Variants in DAO observed in about 807,000 individuals in gnomAD.
The protein encoded by DAO is D-amino acid oxidase.
In DAO, 51 loss-of-function variants were observed where a neutral mutation model predicts 50.1. That is an observed-to-expected ratio of 1.02 (90% confidence interval 0.81 to 1.29). DAO has a LOEUF of 1.29. Ranked by LOEUF, DAO falls within the 50% of genes most tolerant of loss-of-function variation. The pLI, the probability that DAO is intolerant of heterozygous loss-of-function variation, is 0.00. For missense variants in DAO, 436 were observed against 439.4 expected (o/e 0.99, Z 0.07); for synonymous variants, 160 against 166.2 (o/e 0.96, Z 0.29).
chr12:108,895,918 C>T (rs866580901), intron 7 of DAO, among the ~76,000 whole-genome samples: 2 of 151,632 alleles, frequency 1.3e-5, no homozygotes, highest in Non-Finnish European at 2.9e-5. Flanking sequence ...CTCAAATCAT[C>T]GAGGTTTATG....
intron 10 of DAO, 171 bp from the exon 11 acceptor site, chr12:108,900,233 G>T: frequency 1.4e-6 from 1 of 719,110 alleles, no homozygotes; most frequent in East Asian, 2.7e-5. Context: ...TCTTGCAACT[G>T]TTCCAGGGGG....
chr12:108,884,355 G>GT (rs1331493060), intron 1 of DAO, among the ~76,000 whole-genome samples: 2 of 152,222 alleles, frequency 1.3e-5, no homozygotes, highest in African/African-American at 4.8e-5. Flanking sequence ...TTCCTCCTCT[G>GT]TAAGACGGGA....
chr12:108,882,635 C>A (rs2039393282), intron 1 of DAO, among the ~76,000 whole-genome samples: 1 of 152,048 alleles, frequency 6.6e-6, no homozygotes, highest in South Asian at 2.1e-4. Flanking sequence ...CTGGGAGGAC[C>A]CTCAGCCCTG....
intron 7 of DAO, among the ~76,000 whole-genome samples, chr12:108,895,530 ATG>A (rs1168892670): frequency 8.4e-6 from 1 of 118,656 alleles, no homozygotes; most frequent in Non-Finnish European, 1.6e-5. Flanking sequence ...CATGCACACC[ATG>A]TGAGGGTATG....
At chr12:108,891,391 A>G (rs59880705) in intron 5 of DAO, among the ~76,000 whole-genome samples, 1 of 151,004 alleles carries the variant, frequency 6.6e-6, no homozygotes, top group Non-Finnish European at 1.5e-5. Flanking sequence ...GAGAGGCTGC[A>G]GTGAGCTGTG....
chr12:108,893,527 TGCTTGGCACAA>T (rs926719008), intron 6 of DAO, among the ~76,000 whole-genome samples: 3 of 152,160 alleles, frequency 2.0e-5, no homozygotes, highest in Non-Finnish European at 4.4e-5. Flanking sequence ...TCTAAAACCC[TGCTTGGCACAA>T]GGAAGGCGCT....
At chr12:108,895,423 G>T (rs1219492031) in intron 7 of DAO, among the ~76,000 whole-genome samples, 2 of 150,376 alleles carry the variant, frequency 1.3e-5, no homozygotes, top group African/African-American at 4.9e-5. Context: ...ATGTGTGTGA[G>T]GGTGTGTGCA....
chr12:108,886,609 T>C (rs1213759883), intron 2 of DAO, among the ~76,000 whole-genome samples: 1 of 152,118 alleles, frequency 6.6e-6, no homozygotes, highest in African/African-American at 2.4e-5. Flanking sequence ...AGGACACACA[T>C]GCATGCTATC....
At chr12:108,890,664 C>T (rs148538519) in intron 5 of DAO, among the ~76,000 whole-genome samples, 3,322 of 152,152 alleles carry the variant, frequency 0.022, 53 homozygotes, top group Non-Finnish European at 0.037. Context: ...TGGCCAATAC[C>T]TCTAGAACAA....
chr12:108,890,689 A>G (rs936300667), intron 5 of DAO, among the ~76,000 whole-genome samples: 1 of 152,072 alleles, frequency 6.6e-6, no homozygotes, highest in African/African-American at 2.4e-5. Flanking sequence ...ACTCATACAG[A>G]TGATAGTGGA....
chr12:108,889,176 G>A (rs1445139271), intron 3 of DAO, among the ~76,000 whole-genome samples: 1 of 151,730 alleles, frequency 6.6e-6, no homozygotes, highest in Non-Finnish European at 1.5e-5. Flanking sequence ...CACAATTTCG[G>A]CTTACTGCAA....
At chr12:108,880,873 A>G (rs1758905330) in intron 1 of DAO, among the ~76,000 whole-genome samples, 1 of 152,130 alleles carries the variant, frequency 6.6e-6, no homozygotes, top group Non-Finnish European at 1.5e-5. Context: ...TGGCAACTGC[A>G]TGCCAACTGC....
Position 108,887,841 on chromosome 12 carries a change from C to G in DAO, c.309+277C>G, listed in dbSNP as rs566683821. ...AGCATGGCTAAAATACAAACATGTT[C>G]TGCAGTGACGGGCACTTGGTGCTGA... is the stretch of plus-strand genomic sequence containing the variant. On this transcript the variant is annotated intron_variant, in intron 3 of 10. Coordinates refer to ENST00000228476, the MANE Select transcript of DAO (RefSeq NM_001917.5). Among the ~76,000 whole-genome samples the G allele has an allele frequency of 2.1e-4, 32 of 152,336 alleles. 2 individuals carry two copies. The South Asian group carries it at 6.6e-3, about 32-fold the overall frequency.
intron 5 of DAO, 131 bp from the exon 6 acceptor site, chr12:108,892,851 T>A (rs1038217997): frequency 6.3e-6 from 5 of 798,238 alleles, no homozygotes; most frequent in African/African-American, 1.7e-5. Flanking sequence ...GACACAGCCA[T>A]CTTCTCAAGC....
At chr12:108,891,943 G>A (rs2039495929) in intron 5 of DAO, among the ~76,000 whole-genome samples, 1 of 151,960 alleles carries the variant, frequency 6.6e-6, no homozygotes, top group African/African-American at 2.4e-5. Flanking sequence ...CTAATTATCA[G>A]CCATGTTTGG....
At chr12:108,893,237 G>T (rs1354960629) in intron 6 of DAO, among the ~76,000 whole-genome samples, 1 of 152,120 alleles carries the variant, frequency 6.6e-6, no homozygotes, top group Non-Finnish European at 1.5e-5. Flanking sequence ...AGGAACACTG[G>T]GATCATGGTG....
intron 6 of DAO, 147 bp downstream of exon 6, chr12:108,893,183 T>G (rs556396038): frequency 1.4e-6 from 1 of 725,864 alleles, no homozygotes; most frequent in South Asian, 1.5e-5. Context: ...ACTCAGGTAT[T>G]CTGAAGGAGG....
At chr12:108,898,559 G>A (rs2039586935) in intron 8 of DAO, 120 bp from the exon 9 acceptor site, 1 of 780,538 alleles carries the variant, frequency 1.3e-6, no homozygotes, top group African/African-American at 1.7e-5. Flanking sequence ...TGATGACAGT[G>A]GCAATTGAGG....
intron 7 of DAO, 103 bp downstream of exon 7, chr12:108,894,470 A>T (rs753523915): frequency 2.0e-6 from 2 of 991,196 alleles, no homozygotes; most frequent in Non-Finnish European, 3.1e-6. Context: ...CATCTGTTAG[A>T]GGAACCCCCC....
Sources: allele counts gnomAD v4.1 joint callset (sites outside exome capture counted in the v4.1 genomes callset), GRCh38; gene constraint gnomAD v4.1.1; transcripts MANE v1.5; gene names NCBI Gene and HGNC (gene_info 2026-07-23, HGNC 2026-07-21).